The following FBXO11 variants were observed in gnomAD, a reference collection of about 807,000 sequenced individuals.
FBXO11 encodes F-box only protein 11.
A neutral mutation model predicts 117.0 loss-of-function variants in FBXO11; 13 were observed. That is an observed-to-expected ratio of 0.11 (90% CI 0.07 to 0.18). The LOEUF (loss-of-function observed/expected upper bound fraction) is 0.18, where lower values mean the gene tolerates loss of function less well. FBXO11 is among the 10% of genes least tolerant of loss of function. FBXO11 has a pLI of 1.00. For missense variants in FBXO11, 767 were observed against 1,164.4 expected, an observed-to-expected ratio of 0.66 and a Z score of 4.97; for synonymous variants, 490 against 380.5, an observed-to-expected ratio of 1.29 and a Z score of -3.35.
chr2:47,847,498 C>G (rs1325363949), intron 1 of FBXO11, among the ~76,000 whole-genome samples: 1 of 151,628 alleles, frequency 6.6e-6, no homozygotes, highest in Non-Finnish European at 1.5e-5. Context: ...CATTTGAGGT[C>G]TGGAGTTTGG....
At chr2:47,861,867 C>T (rs530203535) in intron 1 of FBXO11, among the ~76,000 whole-genome samples, 4 of 151,974 alleles carry the variant, frequency 2.6e-5, no homozygotes, top group East Asian at 1.9e-4. Flanking sequence ...AAGACAACAG[C>T]AGAAAATCAA....
At chr2:47,898,376 A>C (rs1677837049) in intron 1 of FBXO11, among the ~76,000 whole-genome samples, 1 of 152,226 alleles carries the variant, frequency 6.6e-6, no homozygotes, top group Admixed American at 6.5e-5. Context: ...AACACACCAA[A>C]CCATGGTGAG....
chr2:47,848,439 T>A (rs1489281665), intron 1 of FBXO11, among the ~76,000 whole-genome samples: 1 of 152,122 alleles, frequency 6.6e-6, no homozygotes, highest in South Asian at 2.1e-4. Context: ...AGGTGAACAG[T>A]TTCATCCTGA....
At chr2:47,851,403 G>GT (rs1236915914) in intron 1 of FBXO11, among the ~76,000 whole-genome samples, 1 of 151,876 alleles carries the variant, frequency 6.6e-6, no homozygotes, top group Non-Finnish European at 1.5e-5. Flanking sequence ...GCTAATTTTT[G>GT]TATTTAGTAG....
chr2:47,821,145 C>G (rs75071604), intron 13 of FBXO11, among the ~76,000 whole-genome samples: 13,060 of 152,288 alleles, frequency 0.086, 645 homozygotes, highest in Non-Finnish European at 0.11. Context: ...ATCTGGCATA[C>G]TGCCTGTGAA....
chr2:47,809,889 A>AAGGT, intron 19 of FBXO11, 182 bp from the exon 20 acceptor site: 1 of 544,860 alleles, frequency 1.8e-6, no homozygotes, highest in South Asian at 2.6e-5. Flanking sequence ...ATCAATGACT[A>AAGGT]TGGTCAAAAC....
chr2:47,832,202 A>G, intron 11 of FBXO11, 147 bp downstream of exon 11: 3 of 615,376 alleles, frequency 4.9e-6, no homozygotes, highest in Non-Finnish European at 7.9e-6. Context: ...AATATTTCAT[A>G]TTAATTTTAA....
chr2:47,854,515 A>C (rs1213979717), intron 1 of FBXO11, among the ~76,000 whole-genome samples: 1 of 151,994 alleles, frequency 6.6e-6, no homozygotes, highest in Non-Finnish European at 1.5e-5. Flanking sequence ...TAAATAAATA[A>C]ATAAATAATA....
chr2:47,905,530 G>A lies in FBXO11; in HGVS notation c.191C>T (p.Pro64Leu), dbSNP rs989895071. The A allele has an allele frequency of 4.9e-6, 6 of 1,234,990 alleles. No individual in the cohort carries two copies. The highest frequency in any genetic ancestry group is 6.0e-6 in the Non-Finnish European group (6 of 991,810). The allele number at this position is 1,234,990 out of a possible 1,614,324, so 76.5% of individuals were successfully genotyped here. A position where few individuals can be genotyped will look rare whatever the true frequency, so the allele number is the denominator to read the frequency against. ...QQQPPPPPPP[P>L]PPLPQERNNV... Reference sequence around the variant, plus strand: ...GTTCCGCTCCTGAGGCAGCGGCGGAGGCGGCGGTGGCGGCGGCGGAGGCTG... The same window carrying A: ...GTTCCGCTCCTGAGGCAGCGGCGGAAGCGGCGGTGGCGGCGGCGGAGGCTG... The change falls in exon 1 of 23, where the codon CCT becomes CTT. Residue 64 changes from proline (P) to leucine (L), a missense_variant. Around this residue, in one of 10 missense-constraint regions of FBXO11, gnomAD observed 355 missense variants for 299.8 expected, o/e 1.18. Coordinates refer to ENST00000403359, the MANE Select transcript of FBXO11 (RefSeq NM_001190274.2).
chr2:47,900,233 C>A (rs1351476792), intron 1 of FBXO11, among the ~76,000 whole-genome samples: 2 of 152,130 alleles, frequency 1.3e-5, no homozygotes, highest in South Asian at 2.1e-4. Flanking sequence ...CTTTTTACAG[C>A]TCCCATACTT....
intron 1 of FBXO11, among the ~76,000 whole-genome samples, chr2:47,904,609 CACACACACACACAA>C (rs1034197422): frequency 2.3e-5 from 3 of 133,022 alleles, no homozygotes; most frequent in Admixed American, 7.2e-5. Flanking sequence ...CACACACACA[CACACACACACACAA>C]AATATCCCAA....
chr2:47,846,593 A>T (rs192641126), intron 1 of FBXO11, among the ~76,000 whole-genome samples: 6 of 152,232 alleles, frequency 3.9e-5, no homozygotes, highest in Non-Finnish European at 7.3e-5. Flanking sequence ...AATTTTAACT[A>T]TAATTCACAG....
intron 1 of FBXO11, among the ~76,000 whole-genome samples, chr2:47,877,363 T>C (rs1429575154): frequency 6.6e-6 from 1 of 152,216 alleles, no homozygotes; most frequent in East Asian, 1.9e-4. Flanking sequence ...TGAATATCAA[T>C]TATTCCCACT....
At chr2:47,817,461 GTGTT>G (rs1331996236) in intron 16 of FBXO11, among the ~76,000 whole-genome samples, 1 of 152,140 alleles carries the variant, frequency 6.6e-6, no homozygotes, top group Non-Finnish European at 1.5e-5. Context: ...TATCATTCAT[GTGTT>G]TACTGGAATA....
At chr2:47,843,567 T>C (rs1028289860) in intron 1 of FBXO11, among the ~76,000 whole-genome samples, 3 of 152,168 alleles carry the variant, frequency 2.0e-5, no homozygotes, top group Non-Finnish European at 2.9e-5. Flanking sequence ...GCTTTCTTCA[T>C]CATCTTCATT....
intron 11 of FBXO11, among the ~76,000 whole-genome samples, chr2:47,829,078 C>T (rs1671987306): frequency 1.3e-5 from 2 of 151,812 alleles, no homozygotes; most frequent in South Asian, 4.2e-4. Context: ...CACGCCACCA[C>T]GAGGCAGTGT....
intron 1 of FBXO11, among the ~76,000 whole-genome samples, chr2:47,872,461 C>CT (rs1340465772): frequency 1.2e-4 from 19 of 152,130 alleles, no homozygotes. Flanking sequence ...GCAGCTGGGA[C>CT]TACAGGAGTG....
intron 1 of FBXO11, among the ~76,000 whole-genome samples, chr2:47,871,868 T>C (rs1439972410): frequency 6.6e-6 from 1 of 152,248 alleles, no homozygotes; most frequent in Non-Finnish European, 1.5e-5. Flanking sequence ...CTGTAAACAA[T>C]CTTTTCCCAA....
At chr2:47,809,472 C>A in intron 20 of FBXO11, 128 bp downstream of exon 20, 1 of 754,834 alleles carries the variant, frequency 1.3e-6, no homozygotes, top group Middle Eastern at 3.0e-4. Context: ...AGCTCTGTTT[C>A]TTTCAAAATC....
Sources: allele counts gnomAD v4.1 joint callset (sites outside exome capture counted in the v4.1 genomes callset), GRCh38; gene constraint gnomAD v4.1.1; regional missense constraint gnomAD v4.1.1; transcripts MANE v1.5; gene names NCBI Gene and HGNC (gene_info 2026-07-23, HGNC 2026-07-21).